PLCG2: variants seen among roughly 807,000 people sequenced by gnomAD.
The protein encoded by PLCG2 is 1-phosphatidylinositol 4,5-bisphosphate phosphodiesterase gamma-2.
A neutral mutation model predicts 175.6 loss-of-function variants in PLCG2; 69 were observed. The observed-to-expected ratio is 0.39, with a 90% CI of 0.32 to 0.48. The LOEUF is 0.48. PLCG2 is among the 20% of genes least tolerant of loss of function. The pLI is 0.91. For synonymous variants in PLCG2, 827 were observed against 624.0 expected, an observed-to-expected ratio of 1.33 and a Z score of -4.85; for missense variants, 1,798 against 1,650.9, an observed-to-expected ratio of 1.09 and a Z score of -1.54.
rs905440403 is a variant in PLCG2 at position 81,779,384 on chromosome 16, C to A, written c.-88C>A. 1 of 151,194 alleles carries A rather than the reference C, an allele frequency of 6.6e-6. No individual in the cohort carries two copies. Among genetic ancestry groups the A allele is most frequent in the Non-Finnish European group, 1.5e-5 (1 of 67,748 alleles). The allele number at this position is 151,194 out of a possible 1,614,324, so 9.4% of individuals were successfully genotyped here. ...CGCGCGCGGGACCCCGGAGCCCAAA[C>A]CCGGGGCAGGCGGGCAGCTGTGCCC... On this transcript the variant is annotated 5_prime_UTR_variant, in exon 1 of 33. Transcript: ENST00000564138.
intron 19 of PLCG2, among the ~76,000 whole-genome samples, chr16:81,915,517 C>T (rs1168194153): frequency 6.6e-6 from 1 of 152,244 alleles, no homozygotes; most frequent in Non-Finnish European, 1.5e-5. Flanking sequence ...CTGTTCCCAT[C>T]TCCCCTTCTG....
At chr16:81,863,667 C>T (rs1452079895) in intron 5 of PLCG2, among the ~76,000 whole-genome samples, 2 of 152,224 alleles carry the variant, frequency 1.3e-5, no homozygotes, top group Non-Finnish European at 2.9e-5. Flanking sequence ...TCTGTAGCAG[C>T]TACACCTTCC....
intron 30 of PLCG2, among the ~76,000 whole-genome samples, chr16:81,942,203 G>T (rs567972111): frequency 6.6e-6 from 1 of 152,186 alleles, no homozygotes. Context: ...AGGGCCTTGA[G>T]CCTCATAACC....
chr16:81,863,294 C>A (rs1907073055), intron 5 of PLCG2, among the ~76,000 whole-genome samples: 1 of 152,232 alleles, frequency 6.6e-6, no homozygotes, highest in South Asian at 2.1e-4. Context: ...AGTGGACTAG[C>A]AGAATATTTG....
At chr16:81,885,025 C>G (rs1908286301) in intron 9 of PLCG2, among the ~76,000 whole-genome samples, 1 of 150,628 alleles carries the variant, frequency 6.6e-6, no homozygotes, top group Admixed American at 6.7e-5. Context: ...ATAGCTGGGA[C>G]TACAGGTATG....
intron 5 of PLCG2, 48 bp from the exon 6 acceptor site, chr16:81,869,166 C>A (rs1409808805): frequency 2.1e-6 from 3 of 1,402,962 alleles, no homozygotes; most frequent in Non-Finnish European, 2.0e-6. Context: ...AAATCCTGTG[C>A]TGTTGAAAAC....
chr16:81,843,249 C>T (rs969163724), intron 2 of PLCG2, among the ~76,000 whole-genome samples: 2 of 152,150 alleles, frequency 1.3e-5, no homozygotes, highest in Non-Finnish European at 2.9e-5. Context: ...CCCTCCTTGA[C>T]CATCATTTGC....
In PLCG2 at chr16:81,844,435, C is replaced by T. The variant is rs146557294; in HGVS notation, c.194-10009C>T. ...ACAATGGGTTCAAGTGATTCTCCTG[C>T]CTCAGACTTCCTAGTAACTGCGATT... On this transcript the variant is annotated intron_variant, in intron 2 of 32. Transcript: ENST00000564138. 2.1e-3 allele frequency among the ~76,000 whole-genome samples: 313 copies of T among 152,286 alleles called. 1 individual carries two copies. The highest frequency in any genetic ancestry group is 3.4e-3 in the Non-Finnish European group (231 of 68,032).
chr16:81,845,661 C>G (rs989716469), intron 2 of PLCG2, among the ~76,000 whole-genome samples: 2 of 152,232 alleles, frequency 1.3e-5, no homozygotes, highest in Non-Finnish European at 2.9e-5. Flanking sequence ...CTTGAATGCA[C>G]TGCGTTGAGC....
At chr16:81,921,393 T>G in intron 21 of PLCG2, 124 bp downstream of exon 21, 1 of 603,966 alleles carries the variant, frequency 1.7e-6, no homozygotes, top group Non-Finnish European at 3.1e-6. Context: ...CCAAAATAAT[T>G]TTTTTTTTTT....
At position 81,961,164 on chromosome 16, in the gene PLCG2, C is replaced by G. The variant is rs918313389; in HGVS notation, c.*3166C>G. ...GATTTCTGAGTCTCTTAGCATGTAA[C>G]TACAAAGGGGTTGGAAGAATTCAGT... On this transcript the variant is annotated 3_prime_UTR_variant, in exon 33 of 33. Coordinates refer to ENST00000564138, the MANE Select transcript of PLCG2 (RefSeq NM_002661.5). 11 of 229,846 alleles carry G rather than the reference C, an allele frequency of 4.8e-5. No homozygotes were observed. Among genetic ancestry groups the G allele is most frequent in the African/African-American group, 1.8e-4 (8 of 45,168 alleles). 14.2% of individuals were successfully genotyped at this position (229,846 alleles called of 1,614,324 possible). A position where few individuals can be genotyped will look rare whatever the true frequency, so the allele number is the denominator to read the frequency against.
At chr16:81,930,662 C>T (rs774362800) in intron 24 of PLCG2, among the ~76,000 whole-genome samples, 14 of 149,992 alleles carry the variant, frequency 9.3e-5, no homozygotes, top group Admixed American at 6.7e-5. Context: ...GTGGGAGGAT[C>T]GCATGAACTT....
In PLCG2 at chr16:81,958,270, T is replaced by G; in HGVS notation, c.*272T>G. 1 of 461,608 alleles carries G rather than the reference T, an allele frequency of 2.2e-6. No individual in the cohort carries two copies. Among genetic ancestry groups the G allele is most frequent in the East Asian group, 3.4e-5 (1 of 29,490 alleles). 28.6% of individuals were successfully genotyped at this position (461,608 alleles called of 1,614,324 possible). A position where few individuals can be genotyped will look rare whatever the true frequency, so the allele number is the denominator to read the frequency against. On this transcript the variant is annotated 3_prime_UTR_variant, in exon 33 of 33. Coordinates refer to ENST00000564138, the MANE Select transcript of PLCG2 (RefSeq NM_002661.5). ...TGGCCTCTCATGTTCCAAACCTCATTGAATAAAAGCAATGAAAACCTTGAT... is the reference window on the plus strand; with the variant it reads ...TGGCCTCTCATGTTCCAAACCTCATGGAATAAAAGCAATGAAAACCTTGAT...
chr16:81,885,902 A>C (rs1163602560), intron 9 of PLCG2, among the ~76,000 whole-genome samples: 2 of 152,210 alleles, frequency 1.3e-5, no homozygotes, highest in Non-Finnish European at 2.9e-5. Flanking sequence ...TGATGATCAA[A>C]AGAAGGCTTA....
chr16:81,792,683 G>T (rs1911293628), intron 2 of PLCG2, among the ~76,000 whole-genome samples: 1 of 152,072 alleles, frequency 6.6e-6, no homozygotes, highest in Non-Finnish European at 1.5e-5. Context: ...GGAGAGCTGA[G>T]TGAAGGGGGA....
chr16:81,824,747 A>G (rs2143353059), intron 2 of PLCG2, among the ~76,000 whole-genome samples: 1 of 152,206 alleles, frequency 6.6e-6, no homozygotes, highest in South Asian at 2.1e-4. Context: ...GTCACCTTTC[A>G]TTGGATGGTG....
At chr16:81,851,544 A>G (rs902213442) in intron 2 of PLCG2, among the ~76,000 whole-genome samples, 2 of 151,744 alleles carry the variant, frequency 1.3e-5, no homozygotes, top group South Asian at 4.2e-4. Flanking sequence ...GCGAAGTCTC[A>G]CTCTGTCACC....
rs1269819244 is a variant in PLCG2 at position 81,929,906 on chromosome 16, C to G, written c.2581+1282C>G. Among the ~76,000 whole-genome samples the G allele has an allele frequency of 3.3e-5, 5 of 152,256 alleles. No homozygotes were observed. The East Asian group carries it at 9.6e-4, about 29-fold the overall frequency. On this transcript the variant is annotated intron_variant, in intron 24 of 32. Transcript: ENST00000564138. Reference sequence around the variant, plus strand: ...GTATCATCTTCCCCCATCCCTGTATCTGCAGAGCAGAGGCACATGGCTCAT... The same window carrying G: ...GTATCATCTTCCCCCATCCCTGTATGTGCAGAGCAGAGGCACATGGCTCAT...
chr16:81,942,148 C>G (rs1472866037), intron 30 of PLCG2, among the ~76,000 whole-genome samples: 1 of 152,144 alleles, frequency 6.6e-6, no homozygotes, highest in Non-Finnish European at 1.5e-5. Flanking sequence ...AGAGGGGCAG[C>G]TGTGCTGAAA....
Sources: gnomAD v4.1 joint callset for allele counts (sites outside exome capture counted in the v4.1 genomes callset) on GRCh38, gnomAD v4.1.1 for gene constraint, MANE v1.5 for transcripts, NCBI Gene and HGNC (gene_info 2026-07-23, HGNC 2026-07-21) for gene names.